Variants in RHBDD1 observed in about 807,000 individuals in gnomAD.
RHBDD1 encodes the protein rhomboid domain containing 1.
In RHBDD1, 38 loss-of-function variants were observed where a neutral mutation model predicts 36.3. The observed-to-expected ratio is 1.05, with a 90% CI of 0.81 to 1.37. RHBDD1 has a LOEUF of 1.37. Ranked by LOEUF, RHBDD1 falls within the 40% of genes most tolerant of loss-of-function variation. The pLI is 0.00. For synonymous variants in RHBDD1, 151 were observed against 136.5 expected (o/e 1.11, Z -0.74); for missense variants, 393 against 377.6 (o/e 1.04, Z -0.34).
At chr2:226,908,998 G>A in intron 7 of RHBDD1, 120 bp downstream of exon 7, 4 of 669,318 alleles carry the variant, frequency 6.0e-6, no homozygotes, top group Non-Finnish European at 1.1e-5. Context: ...CACATGTTGT[G>A]TAACTGTGCC....
At chr2:226,916,215 C>T (rs1948899221) in intron 8 of RHBDD1, among the ~76,000 whole-genome samples, 1 of 152,186 alleles carries the variant, frequency 6.6e-6, no homozygotes, top group Non-Finnish European at 1.5e-5. Flanking sequence ...ATAGTCTCCA[C>T]CTCTTGGAGG....
intron 8 of RHBDD1, among the ~76,000 whole-genome samples, chr2:226,933,782 G>C (rs1483203338): frequency 7.9e-5 from 12 of 152,044 alleles, no homozygotes; most frequent in Admixed American, 7.9e-4. Context: ...GCCCTTTCCA[G>C]CTTTCTACAT....
chr2:226,846,311 T>A (rs936081947), intron 3 of RHBDD1, among the ~76,000 whole-genome samples: 3 of 152,128 alleles, frequency 2.0e-5, no homozygotes, highest in Non-Finnish European at 4.4e-5. Context: ...GGTAGAGAAA[T>A]CAGAAAAGGA....
At chr2:226,976,862 C>T (rs1279125322) in intron 8 of RHBDD1, among the ~76,000 whole-genome samples, 2 of 152,170 alleles carry the variant, frequency 1.3e-5, no homozygotes, top group African/African-American at 4.8e-5. Flanking sequence ...TTTTTCCCCA[C>T]TTGGTGGCAT....
the RHBDD1 span, among the ~76,000 whole-genome samples, chr2:226,821,505 G>A: frequency 6.6e-6 from 1 of 151,386 alleles, no homozygotes; most frequent in Non-Finnish European, 1.5e-5. Context: ...TTTAAGTTTT[G>A]CTCTAATTTT....
chr2:226,940,252 T>A (rs936137608), intron 8 of RHBDD1, among the ~76,000 whole-genome samples: 1 of 152,162 alleles, frequency 6.6e-6, no homozygotes. Flanking sequence ...TGGGCAAAGA[T>A]TTCATGATGA....
the RHBDD1 span, among the ~76,000 whole-genome samples, chr2:226,808,001 C>T: frequency 2.0e-5 from 3 of 149,930 alleles, no homozygotes; most frequent in Admixed American, 1.3e-4. Context: ...GGTAACAGAG[C>T]GAGACTCTGT....
intron 5 of RHBDD1, among the ~76,000 whole-genome samples, chr2:226,892,335 C>T (rs1946754449): frequency 6.6e-6 from 1 of 152,150 alleles, no homozygotes; most frequent in Non-Finnish European, 1.5e-5. Flanking sequence ...GATTTAACCA[C>T]AAGCAGAATT....
chr2:226,976,296 C>T lies in RHBDD1; in HGVS notation c.857-19135C>T, dbSNP rs547272302. Among the ~76,000 whole-genome samples the T allele has an allele frequency of 2.7e-5, 4 of 147,812 alleles. No homozygotes were observed. The South Asian group carries it at 9.0e-4, about 33-fold the overall frequency. On this transcript the variant is annotated intron_variant, in intron 8 of 8. Coordinates refer to ENST00000392062, the MANE Select transcript of RHBDD1 (RefSeq NM_001167608.3). ...ACTAGATCTTGGATATGCCCACCCCCCTGGAGACACCACTAGACAAAGAGA... is the reference window on the plus strand; with the variant it reads ...ACTAGATCTTGGATATGCCCACCCCTCTGGAGACACCACTAGACAAAGAGA...
intron 8 of RHBDD1, among the ~76,000 whole-genome samples, chr2:226,967,950 A>G (rs559943299): frequency 2.6e-5 from 4 of 152,254 alleles, no homozygotes; most frequent in Admixed American, 2.6e-4. Flanking sequence ...CTTCAGTAAA[A>G]TTACTTCTAA....
chr2:226,930,396 A>G (rs957992362), intron 8 of RHBDD1, among the ~76,000 whole-genome samples: 1 of 152,118 alleles, frequency 6.6e-6, no homozygotes, highest in Non-Finnish European at 1.5e-5. Context: ...TTAAACATTA[A>G]TTGAGGAATG....
At chr2:226,885,852 G>A (rs111474524) in intron 5 of RHBDD1, among the ~76,000 whole-genome samples, 1 of 152,140 alleles carries the variant, frequency 6.6e-6, no homozygotes, top group Admixed American at 6.5e-5. Flanking sequence ...GGATAGTGCA[G>A]AACAATATAT....
chr2:226,920,730 C>A (rs1575104815), intron 8 of RHBDD1, among the ~76,000 whole-genome samples: 1 of 152,082 alleles, frequency 6.6e-6, no homozygotes, highest in East Asian at 1.9e-4. Context: ...GGATAAATCC[C>A]AAATGGTCAT....
intron 5 of RHBDD1, among the ~76,000 whole-genome samples, chr2:226,903,755 C>T (rs1947793191): frequency 6.6e-6 from 1 of 152,140 alleles, no homozygotes. Context: ...CCTGTTTTTG[C>T]ATCCAAAAGC....
intron 8 of RHBDD1, among the ~76,000 whole-genome samples, chr2:226,931,177 A>T (rs1199832504): frequency 6.6e-6 from 1 of 152,034 alleles, no homozygotes. Flanking sequence ...AAAAGAAGTC[A>T]TTATGCACAC....
Position 226,890,076 on chromosome 2 carries a change from T to C in RHBDD1, c.567-16717T>C, listed in dbSNP as rs150275605. The stretch of plus-strand genomic sequence containing the variant: ...ATCACCTGCAGGTACAAGGTGAGGG[T>C]TGCTAAAGCTCAAGCCAGTCAGAGC... On this transcript the variant is annotated intron_variant, in intron 5 of 8. Transcript: ENST00000392062. Among the ~76,000 whole-genome samples the C allele has an allele frequency of 2.1e-3, 316 of 152,286 alleles. 4 individuals are homozygous for C. Among genetic ancestry groups the C allele is most frequent in the African/African-American group, 7.3e-3 (303 of 41,574 alleles).
rs149307314 is a variant in RHBDD1, at chr2:226,978,507, G to A, written c.857-16924G>A. Among the ~76,000 whole-genome samples, 1,521 of 152,188 alleles carry A rather than the reference G, an allele frequency of 1.0e-2. 20 individuals carry two copies. The highest frequency in any genetic ancestry group is 0.022 in the South Asian group (104 of 4,822). ...AGACCTCAAGAAACTGCCCACCTAC[G>A]TCGAGCCTCAGTCTTTACATCTGTA... On this transcript the variant is annotated intron_variant, in intron 8 of 8. Transcript: ENST00000392062.
the RHBDD1 span, among the ~76,000 whole-genome samples, chr2:226,819,379 G>A: frequency 1.2e-4 from 18 of 152,120 alleles, no homozygotes; most frequent in South Asian, 2.1e-4. Context: ...TTTCTACAGC[G>A]AAAGGAAAGA....
intron 5 of RHBDD1, among the ~76,000 whole-genome samples, chr2:226,898,006 C>A (rs561747233): frequency 1.3e-4 from 20 of 152,068 alleles, no homozygotes; most frequent in African/African-American, 4.3e-4. Flanking sequence ...ACAACAACAA[C>A]AAAACAAACA....
Sources: gnomAD v4.1 joint callset for allele counts (sites outside exome capture counted in the v4.1 genomes callset) on GRCh38, gnomAD v4.1.1 for gene constraint, MANE v1.5 for transcripts, NCBI Gene and HGNC (gene_info 2026-07-23, HGNC 2026-07-21) for gene names.